Variants in HIP1 observed in about 807,000 individuals in gnomAD.
HIP1 encodes the protein huntingtin interacting protein 1, also known as huntingtin-interacting protein 1.
In HIP1, 65 loss-of-function variants were observed where a neutral mutation model predicts 147.6. That is an observed-to-expected ratio of 0.44 (90% CI 0.36 to 0.54). The LOEUF (loss-of-function observed/expected upper bound fraction) is 0.54, where lower values mean the gene tolerates loss of function less well. HIP1 is among the 20% of genes least tolerant of loss of function. HIP1 has a pLI of 0.00. For missense variants in HIP1, 1,061 were observed against 1,299.6 expected (o/e 0.82, Z 2.82); for synonymous variants, 479 against 504.0 (o/e 0.95, Z 0.67).
intron 1 of HIP1, among the ~76,000 whole-genome samples, chr7:75,664,906 C>A (rs1799508048): frequency 6.6e-6 from 1 of 152,086 alleles, no homozygotes; most frequent in Non-Finnish European, 1.5e-5. Flanking sequence ...CGGGCGTGAG[C>A]CATCATGCCC....
chr7:75,628,278 C>T (rs937996745), intron 1 of HIP1, among the ~76,000 whole-genome samples: 20 of 152,152 alleles, frequency 1.3e-4, no homozygotes, highest in Non-Finnish European at 2.8e-4. Context: ...ATATGGAAGA[C>T]ACTCTATAAA....
At position 75,652,314 on chromosome 7, in the gene HIP1, CA is replaced by C. The variant is rs34220339; in HGVS notation, c.121-53068del. On this transcript the variant is annotated intron_variant, in intron 1 of 30. Coordinates refer to ENST00000336926, the MANE Select transcript of HIP1 (RefSeq NM_005338.7). ...CCTGGGTGACAGAGCGAGACTGTCT[CA>C]AAAAAAAAAAAAAAACCACTATATG... Among the ~76,000 whole-genome samples the C allele has an allele frequency of 9.9e-3, 1,047 of 105,390 alleles. 9 individuals are homozygous for C. Among genetic ancestry groups the C allele is most frequent in the African/African-American group, 0.019 (572 of 29,938 alleles). 69.1% of individuals were successfully genotyped at this position (105,390 alleles called of 152,430 possible).
At chr7:75,543,024 G>C in intron 27 of HIP1, 50 bp from the exon 28 acceptor site, 1 of 1,562,518 alleles carries the variant, frequency 6.4e-7, no homozygotes, top group Non-Finnish European at 8.7e-7. Flanking sequence ...GAGCAACAAG[G>C]ACTGAATCAG....
At chr7:75,549,579 A>T (rs1563194715) in intron 22 of HIP1, among the ~76,000 whole-genome samples, 2 of 151,912 alleles carry the variant, frequency 1.3e-5, no homozygotes. Flanking sequence ...TATTTTGCCC[A>T]GGCTGGTCTC....
intron 22 of HIP1, among the ~76,000 whole-genome samples, chr7:75,552,314 C>T (rs1444176703): frequency 6.6e-6 from 1 of 152,102 alleles, no homozygotes; most frequent in Non-Finnish European, 1.5e-5. Context: ...TCTTCTCTGT[C>T]CCTATATATA....
At chr7:75,620,765 C>G (rs587647595) in intron 1 of HIP1, among the ~76,000 whole-genome samples, 4 of 151,918 alleles carry the variant, frequency 2.6e-5, no homozygotes, top group Non-Finnish European at 4.4e-5. Flanking sequence ...TCTGTCCTCA[C>G]GGAGCTTATA....
intron 8 of HIP1, among the ~76,000 whole-genome samples, chr7:75,572,035 C>A (rs1795655346): frequency 6.6e-6 from 1 of 151,996 alleles, no homozygotes; most frequent in South Asian, 2.1e-4. Context: ...CATGGGGAAA[C>A]CCCATCTCTA....
In HIP1 at chr7:75,563,890, C is replaced by T. The variant is rs184939310; in HGVS notation, c.804-627G>A. Among the ~76,000 whole-genome samples the T allele has an allele frequency of 6.7e-4, 101 of 151,310 alleles. 1 individual carries two copies. The highest frequency in any genetic ancestry group is 1.5e-3 in the African/African-American group (64 of 41,380). On this transcript the variant is annotated intron_variant, in intron 9 of 30. Transcript: ENST00000336926. ...ACATGAAGAAACCAATATTTTTTTT[C>T]TCTCTCTCTCTCTTTTTGTAGAGGC...
At position 75,704,237 on chromosome 7, in the gene HIP1, T is replaced by TTTTA. The variant is rs562218690; in HGVS notation, c.120+34560_120+34563dup. Among the ~76,000 whole-genome samples, 321 of 152,218 alleles carry TTTTA rather than the reference T, an allele frequency of 2.1e-3. 2 individuals carry two copies. Among genetic ancestry groups the TTTTA allele is most frequent in the African/African-American group, 5.0e-3 (206 of 41,558 alleles). ...CATAACAGCCTTTTATTTTATTTTG[T>TTTTA]TTTATTTATTTATTTATTTATTTTT... On this transcript the variant is annotated intron_variant, in intron 1 of 30. Coordinates refer to ENST00000336926, the MANE Select transcript of HIP1 (RefSeq NM_005338.7).
At chr7:75,732,672 C>A (rs915698438) in intron 1 of HIP1, among the ~76,000 whole-genome samples, 12 of 152,192 alleles carry the variant, frequency 7.9e-5, no homozygotes, top group Admixed American at 7.9e-4. Context: ...TGAGCCACTG[C>A]GCCCGGCTCA....
At chr7:75,607,050 C>G (rs1406021436) in intron 1 of HIP1, among the ~76,000 whole-genome samples, 1 of 151,246 alleles carries the variant, frequency 6.6e-6, no homozygotes, top group African/African-American at 2.4e-5. Context: ...GGCAATAGAG[C>G]GAGACCCCAT....
intron 21 of HIP1, 35 bp from the exon 22 acceptor site, chr7:75,553,624 A>G (rs782143512): frequency 6.3e-7 from 1 of 1,597,094 alleles, no homozygotes; most frequent in East Asian, 2.3e-5. Context: ...TTTTTTTTTG[A>G]GATGGAGTCT....
At chr7:75,652,730 T>C (rs1554512163) in intron 1 of HIP1, among the ~76,000 whole-genome samples, 4 of 151,856 alleles carry the variant, frequency 2.6e-5, no homozygotes, top group Non-Finnish European at 5.9e-5. Flanking sequence ...AGAGTATGGA[T>C]AGAATGTGAA....
At chr7:75,700,240 T>C (rs1554519089) in intron 1 of HIP1, among the ~76,000 whole-genome samples, 1 of 152,128 alleles carries the variant, frequency 6.6e-6, no homozygotes, top group African/African-American at 2.4e-5. Flanking sequence ...GCTACTGTGG[T>C]TATGAAAGTG....
At chr7:75,684,767 G>A (rs1473157288) in intron 1 of HIP1, among the ~76,000 whole-genome samples, 5 of 152,076 alleles carry the variant, frequency 3.3e-5, no homozygotes, top group Admixed American at 3.3e-4. Flanking sequence ...CCCTAGAAGG[G>A]AAACACTGGG....
chr7:75,712,630 T>A (rs2117354916), intron 1 of HIP1, among the ~76,000 whole-genome samples: 1 of 152,196 alleles, frequency 6.6e-6, no homozygotes, highest in East Asian at 1.9e-4. Flanking sequence ...ACTTATTCAC[T>A]CACTCTCTCA....
chr7:75,563,919 G>T (rs1795318373), intron 9 of HIP1, among the ~76,000 whole-genome samples: 1 of 152,134 alleles, frequency 6.6e-6, no homozygotes, highest in Non-Finnish European at 1.5e-5. Context: ...TAGAGGCAGG[G>T]TCTTGCTCTG....
chr7:75,578,908 C>T (rs1275552620), intron 7 of HIP1, among the ~76,000 whole-genome samples: 2 of 151,742 alleles, frequency 1.3e-5, no homozygotes, highest in African/African-American at 4.8e-5. Flanking sequence ...CTCTGCCTCC[C>T]GGGTTCAAGC....
At chr7:75,685,837 C>T (rs1800243256) in intron 1 of HIP1, among the ~76,000 whole-genome samples, 1 of 152,188 alleles carries the variant, frequency 6.6e-6, no homozygotes, top group African/African-American at 2.4e-5. Flanking sequence ...GCATGAGCCA[C>T]TGCGCCCGGC....
Sources: allele counts gnomAD v4.1 joint callset (sites outside exome capture counted in the v4.1 genomes callset), GRCh38; gene constraint gnomAD v4.1.1; transcripts MANE v1.5; gene names NCBI Gene and HGNC (gene_info 2026-07-23, HGNC 2026-07-21).